The following IFFO2 variants were observed in gnomAD, a reference collection of about 807,000 sequenced individuals.
IFFO2 encodes the protein intermediate filament family orphan 2.
Under a neutral mutation model 53.5 loss-of-function variants are expected in IFFO2, and 19 were observed. The ratio of observed to expected loss-of-function variants is 0.36; its 90% CI spans 0.25 to 0.52. The LOEUF is 0.52. Among genes scored for constraint, IFFO2 ranks in the 20% least tolerant of loss-of-function variants. The probability of loss-of-function intolerance (pLI) is 0.94; values close to 1 mark genes in which losing one functional copy is unlikely to be tolerated. For missense variants in IFFO2, 570 were observed against 727.4 expected (o/e 0.78, Z 2.49); for synonymous variants, 303 against 313.6 (o/e 0.97, Z 0.36).
chr1:18,911,740 T>C (rs1270119335), intron 6 of IFFO2, among the ~76,000 whole-genome samples: 2 of 152,066 alleles, frequency 1.3e-5, no homozygotes, highest in Non-Finnish European at 2.9e-5. Context: ...GATTTCGCCA[T>C]ATTGGCCAGG....
At chr1:18,955,518 C>T in intron 1 of IFFO2, 150 bp downstream of exon 1, 1 of 1,242,690 alleles carries the variant, frequency 8.0e-7, no homozygotes, top group Non-Finnish European at 1.1e-6. Flanking sequence ...CTGGGCCTTC[C>T]TGGCGTACGT....
intron 1 of IFFO2, among the ~76,000 whole-genome samples, chr1:18,954,579 C>G (rs1936700384): frequency 6.6e-6 from 1 of 152,274 alleles, no homozygotes; most frequent in South Asian, 2.1e-4. Context: ...GTGCCTGGAA[C>G]AGCGATTGCC....
At chr1:18,952,247 AT>A (rs1936668278) in intron 1 of IFFO2, among the ~76,000 whole-genome samples, 1 of 152,158 alleles carries the variant, frequency 6.6e-6, no homozygotes, top group African/African-American at 2.4e-5. Flanking sequence ...CCTCGTCCTC[AT>A]TGCGGCTTCA....
At chr1:18,938,216 G>A (rs1557647225) in intron 1 of IFFO2, among the ~76,000 whole-genome samples, 1 of 152,222 alleles carries the variant, frequency 6.6e-6, no homozygotes, top group Non-Finnish European at 1.5e-5. Context: ...TTCCTCATCT[G>A]TAAAATGGGA....
intron 8 of IFFO2, 42 bp from the exon 9 acceptor site, chr1:18,908,708 T>C: frequency 7.0e-7 from 1 of 1,435,490 alleles, no homozygotes; most frequent in Non-Finnish European, 9.6e-7. Flanking sequence ...AGAGCAGCCC[T>C]GGGCCTCTGA....
chr1:18,954,646 T>G (rs1476789506), intron 1 of IFFO2, among the ~76,000 whole-genome samples: 2 of 152,220 alleles, frequency 1.3e-5, no homozygotes, highest in African/African-American at 4.8e-5. Flanking sequence ...AGACCCTTCT[T>G]CTCTTATGGG....
At chr1:18,908,758 AG>A in intron 8 of IFFO2, 92 bp from the exon 9 acceptor site, 1 of 871,186 alleles carries the variant, frequency 1.1e-6, no homozygotes, top group Non-Finnish European at 1.9e-6. Context: ...CACTTCTATA[AG>A]ATCTACTCTC....
intron 1 of IFFO2, among the ~76,000 whole-genome samples, chr1:18,930,146 C>T (rs1164824705): frequency 6.6e-6 from 1 of 152,202 alleles, no homozygotes; most frequent in Non-Finnish European, 1.5e-5. Context: ...GGTAATACCT[C>T]CCAGCTCCGA....
rs545457833 is a variant in IFFO2, at chr1:18,921,897, C to T, written c.666-776G>A. Reference sequence around the variant, plus strand: ...GGCAAAGGAGGGTTCAGTGGACCCCCGCCCTTAACTGCAGGAAGGGGTGGG... The same window carrying T: ...GGCAAAGGAGGGTTCAGTGGACCCCTGCCCTTAACTGCAGGAAGGGGTGGG... On this transcript the variant is annotated intron_variant, in intron 1 of 8. Coordinates refer to ENST00000455833, the MANE Select transcript of IFFO2 (RefSeq NM_001136265.2). Among the ~76,000 whole-genome samples, 5 of 152,208 alleles carry T rather than the reference C, an allele frequency of 3.3e-5. No individual in the cohort carries two copies. The East Asian group carries it at 7.7e-4, about 24-fold the overall frequency.
intron 1 of IFFO2, among the ~76,000 whole-genome samples, chr1:18,924,200 G>C (rs1307421696): frequency 6.6e-6 from 1 of 152,238 alleles, no homozygotes; most frequent in African/African-American, 2.4e-5. Flanking sequence ...GGATCGTTCT[G>C]AGGACTGGCA....
intron 1 of IFFO2, among the ~76,000 whole-genome samples, chr1:18,949,724 G>A (rs577572573): frequency 8.5e-5 from 13 of 152,366 alleles, no homozygotes; most frequent in African/African-American, 2.4e-4. Flanking sequence ...GTGTGGGGAC[G>A]TGGGCCACAG....
chr1:18,925,889 ATGGATTGGATGGAT>A (rs1557643145), intron 1 of IFFO2, among the ~76,000 whole-genome samples: 65 of 26,792 alleles, frequency 2.4e-3, no homozygotes, highest in Middle Eastern at 0.017. Flanking sequence ...GGATGGATGG[ATGGATTGGATGGAT>A]TGGTTGGATG....
rs551333880 is a variant in IFFO2, at chr1:18,918,723, C to T, written c.823-221G>A. Among the ~76,000 whole-genome samples, 216 of 151,902 alleles carry T rather than the reference C, an allele frequency of 1.4e-3. No individual in the cohort carries two copies. Among genetic ancestry groups the T allele is most frequent in the Non-Finnish European group, 2.6e-3 (176 of 67,970 alleles). Reference sequence around the variant, plus strand: ...TGGGAGTCAGGGGCCAGTGTGACGCCGTGTGTGCTGCTCTCCCTAAGGGCT... The same window carrying T: ...TGGGAGTCAGGGGCCAGTGTGACGCTGTGTGTGCTGCTCTCCCTAAGGGCT... On this transcript the variant is annotated intron_variant, in intron 3 of 8. Transcript: ENST00000455833. This position sits in a 1 kb window ranked among gnomAD's most constrained non-coding sequence, Gnocchi z 5.2.
Position 18,919,805 on chromosome 1 carries a change from G to GACCC in IFFO2, c.727-33_727-32insGGGT. 3 of 1,472,762 alleles carry GACCC rather than the reference G, an allele frequency of 2.0e-6. No individual in the cohort carries two copies. Among genetic ancestry groups the GACCC allele is most frequent in the Non-Finnish European group, 2.8e-6 (3 of 1,076,234 alleles). The allele number at this position is 1,472,762 out of a possible 1,614,324, so 91.2% of individuals were successfully genotyped here. The stretch of plus-strand genomic sequence containing the variant: ...GGACGGAGATGGGGAGGCTTCAGAG[G>GACCC]GGCCGGGTCCTCTGGGGATAGGAGG... On this transcript the variant is annotated intron_variant, in intron 2 of 8. Coordinates refer to ENST00000455833, the MANE Select transcript of IFFO2 (RefSeq NM_001136265.2). The surrounding 1 kb of genome is among the most constrained non-coding windows in gnomAD (Gnocchi z 4.9).
chr1:18,924,681 G>A (rs1247289596), intron 1 of IFFO2, among the ~76,000 whole-genome samples: 1 of 152,214 alleles, frequency 6.6e-6, no homozygotes, highest in Non-Finnish European at 1.5e-5. Context: ...AGGCTGAAAG[G>A]GGAAGGAAGG....
At chr1:18,920,262 A>G (rs1936198560) in intron 2 of IFFO2, among the ~76,000 whole-genome samples, 1 of 152,192 alleles carries the variant, frequency 6.6e-6, no homozygotes, top group Non-Finnish European at 1.5e-5. Flanking sequence ...GTTTCCACAT[A>G]TTTGACGATG....
At chr1:18,910,187 C>CTGGATGGA (rs60534604) in intron 8 of IFFO2, among the ~76,000 whole-genome samples, 155 bp downstream of exon 8, 35 of 151,784 alleles carry the variant, frequency 2.3e-4, no homozygotes, top group Admixed American at 8.5e-4. Context: ...CTAATAGTCA[C>CTGGATGGA]TGGATGGATG....
At chr1:18,939,756 C>T (rs1414638757) in intron 1 of IFFO2, among the ~76,000 whole-genome samples, 9 of 152,192 alleles carry the variant, frequency 5.9e-5, no homozygotes, top group Admixed American at 5.9e-4. Flanking sequence ...CACTTTCCTC[C>T]TCTGTGAAAG....
chr1:18,939,383 A>G (rs1476828824), intron 1 of IFFO2, among the ~76,000 whole-genome samples: 2 of 152,232 alleles, frequency 1.3e-5, no homozygotes, highest in Admixed American at 6.5e-5. Flanking sequence ...GCATTGCCAC[A>G]TGAAGGAGGA....
Sources: gnomAD v4.1 joint callset for allele counts (sites outside exome capture counted in the v4.1 genomes callset) on GRCh38, gnomAD v4.1.1 for gene constraint, Gnocchi (gnomAD v3.1) non-coding constraint, MANE v1.5 for transcripts, NCBI Gene and HGNC (gene_info 2026-07-23, HGNC 2026-07-21) for gene names.